The following RPS3 variants were observed in gnomAD, a reference collection of about 807,000 sequenced individuals.
RPS3 encodes the protein small ribosomal subunit protein uS3.
A neutral mutation model predicts 25.8 loss-of-function variants in RPS3; 2 were observed. The observed-to-expected ratio is 0.08, with a 90% confidence interval of 0.03 to 0.24. The LOEUF is 0.24. Among genes scored for constraint, RPS3 ranks in the 10% least tolerant of loss-of-function variants. The pLI is 1.00. For synonymous variants in RPS3, 114 were observed against 114.2 expected (o/e 1.00, Z 0.01); for missense variants, 107 against 307.1 (o/e 0.35, Z 4.87).
chr11:75,404,330 A>G lies in RPS3; in HGVS notation c.538+123A>G. On this transcript the variant is annotated intron_variant, in intron 5 of 6. Coordinates refer to ENST00000531188, the MANE Select transcript of RPS3 (RefSeq NM_001005.5). The surrounding 1 kb of genome is among the most constrained non-coding windows in gnomAD (Gnocchi z 4.6). ...TGGGCATGTTCATATTCCTTGGTGT[A>G]TCGATTGCCACGTTGATCTGTAAGA... 1 of 910,766 alleles carries G rather than the reference A, an allele frequency of 1.1e-6. No individual in the cohort carries two copies. The highest frequency in any genetic ancestry group is 1.8e-6 in the Non-Finnish European group (1 of 561,236). 56.4% of individuals were successfully genotyped at this position (910,766 alleles called of 1,614,324 possible). A position where few individuals can be genotyped will look rare whatever the true frequency, so the allele number is the denominator to read the frequency against.
At chr11:75,401,073 G>A (rs1280903877) in intron 2 of RPS3, among the ~76,000 whole-genome samples, 4 of 152,028 alleles carry the variant, frequency 2.6e-5, no homozygotes, top group African/African-American at 9.7e-5. Context: ...TAGTAGAGTT[G>A]GGGTTTCACC....
intron 4 of RPS3, chr11:75,403,496 AG>A (rs2135055009): frequency 6.5e-6 from 1 of 152,688 alleles, no homozygotes; most frequent in South Asian, 2.1e-4. Flanking sequence ...GTTGGGGGGT[AG>A]GTCATATTTT....
chr11:75,418,525 G>A (rs552081421), intron 6 of RPS3, among the ~76,000 whole-genome samples: 1 of 152,240 alleles, frequency 6.6e-6, no homozygotes, highest in South Asian at 2.1e-4. Flanking sequence ...TAAAGTACAG[G>A]ATGAAGTGAA....
chr11:75,414,558 C>G (rs1365072954), intron 6 of RPS3, among the ~76,000 whole-genome samples: 1 of 151,800 alleles, frequency 6.6e-6, no homozygotes, highest in African/African-American at 2.4e-5. Flanking sequence ...TTGCAGTGAG[C>G]TGAGATCGCG....
intron 3 of RPS3, 101 bp from the exon 4 acceptor site, chr11:75,402,251 C>T: frequency 6.4e-7 from 1 of 1,569,074 alleles, no homozygotes; most frequent in Non-Finnish European, 8.7e-7. Context: ...GTTGGGCAAG[C>T]TTGGTGTAGA....
chr11:75,415,631 C>T (rs537258773), intron 6 of RPS3, among the ~76,000 whole-genome samples: 15 of 152,120 alleles, frequency 9.9e-5, no homozygotes, highest in Non-Finnish European at 1.9e-4. Flanking sequence ...GATGGTGAAA[C>T]CCCATCTCTA....
At chr11:75,417,422 C>T (rs1417169308) in intron 6 of RPS3, among the ~76,000 whole-genome samples, 7 of 152,078 alleles carry the variant, frequency 4.6e-5, no homozygotes, top group Admixed American at 6.6e-5. Context: ...GGTAAAACCC[C>T]GTCTCTACTA....
Position 75,402,161 on chromosome 11 carries a change from T to C in RPS3, c.256-191T>C, listed in dbSNP as rs1948219469. 7.9e-6 allele frequency: 6 copies of C among 761,996 alleles called. No individual in the cohort carries two copies. In the Admixed American group the frequency reaches 1.0e-4, roughly 13 times the overall value. 47.2% of individuals were successfully genotyped at this position (761,996 alleles called of 1,614,324 possible). A position where few individuals can be genotyped will look rare whatever the true frequency, so the allele number is the denominator to read the frequency against. On this transcript the variant is annotated intron_variant, in intron 3 of 6. Coordinates refer to ENST00000531188, the MANE Select transcript of RPS3 (RefSeq NM_001005.5). ...GAAATGTCTTGGGCCACACTACTAC[T>C]GGTAGCGCAAAAAATCACGATGTTG...
intron 6 of RPS3, among the ~76,000 whole-genome samples, chr11:75,412,997 TCCTGG>T (rs1948369893): frequency 6.6e-6 from 1 of 152,192 alleles, no homozygotes; most frequent in Non-Finnish European, 1.5e-5. Flanking sequence ...GGTCTTGAAC[TCCTGG>T]CCTCAAGTGA....
chr11:75,403,838 G>C, intron 4 of RPS3, 182 bp from the exon 5 acceptor site: 1 of 576,056 alleles, frequency 1.7e-6, no homozygotes, highest in South Asian at 2.4e-5. Flanking sequence ...TGACATACTT[G>C]ATGAATATTA....
downstream of RPS3, among the ~76,000 whole-genome samples, chr11:75,410,455 G>A (rs1385548886): frequency 2.0e-5 from 3 of 149,422 alleles, no homozygotes; most frequent in Admixed American, 6.7e-5. Context: ...GGCGCTCCTC[G>A]CTTCCTAGAT....
intron 6 of RPS3, among the ~76,000 whole-genome samples, chr11:75,419,572 A>G (rs1162873906): frequency 1.3e-5 from 2 of 152,128 alleles, no homozygotes; most frequent in Non-Finnish European, 2.9e-5. Flanking sequence ...AAAAAAAGAA[A>G]GAAAAAAAGA....
rs1315427585 is a variant in RPS3 at position 75,406,416 on chromosome 11, GC to G, written c.*807del. The G allele has an allele frequency of 2.6e-5, 4 of 152,360 alleles. No individual in the cohort carries two copies. In the East Asian group the frequency reaches 7.7e-4, roughly 29 times the overall value. 9.4% of individuals were successfully genotyped at this position (152,360 alleles called of 1,614,324 possible). ...ATCACAGAGGGGACTTCCAGGGAAAGCTGTTATCAGGTGGCTGCTTCCTGGT... is the reference window on the plus strand; with the variant it reads ...ATCACAGAGGGGACTTCCAGGGAAAGTGTTATCAGGTGGCTGCTTCCTGGT... On this transcript the variant is annotated 3_prime_UTR_variant, in exon 7 of 7. Coordinates refer to ENST00000531188, the MANE Select transcript of RPS3 (RefSeq NM_001005.5).
intron 6 of RPS3, among the ~76,000 whole-genome samples, chr11:75,419,116 T>TTA (rs1363906495): frequency 6.6e-6 from 1 of 152,198 alleles, no homozygotes; most frequent in Non-Finnish European, 1.5e-5. Context: ...GCTCACTGGT[T>TTA]TACCCTCAGC....
intron 6 of RPS3, among the ~76,000 whole-genome samples, chr11:75,418,780 C>G (rs934371370): frequency 6.6e-6 from 1 of 152,192 alleles, no homozygotes; most frequent in Non-Finnish European, 1.5e-5. Context: ...CCTCTGCTGC[C>G]TGGTCCAGTG....
At position 75,405,034 on chromosome 11, in the gene RPS3, T is replaced by C. The variant is rs534316538; in HGVS notation, c.*3+166T>C. 5.9e-6 allele frequency: 3 copies of C among 504,950 alleles called. No homozygotes were observed. In the East Asian group the frequency reaches 9.3e-5, roughly 16 times the overall value. 31.3% of individuals were successfully genotyped at this position (504,950 alleles called of 1,614,324 possible). On this transcript the variant is annotated intron_variant, in intron 6 of 6. Transcript: ENST00000531188. Reference sequence around the variant, plus strand: ...TGAAACCTGGGGTCTATTTAACCCTTGGTTCCAATGGGACAGGTGTTGCCT... The same window carrying C: ...TGAAACCTGGGGTCTATTTAACCCTCGGTTCCAATGGGACAGGTGTTGCCT...
At position 75,417,477 on chromosome 11, in the gene RPS3, G is replaced by T. The variant is rs538921484; in HGVS notation, c.*4-4250G>T. On this transcript the variant is annotated intron_variant, in intron 6 of 6. Transcript: ENST00000527446. ...CCAGGCGTGGTGGCGGGCACCTGTAGTCCCAGCTACTCGGGAGGCTGAGGC... is the reference window on the plus strand; with the variant it reads ...CCAGGCGTGGTGGCGGGCACCTGTATTCCCAGCTACTCGGGAGGCTGAGGC... Among the ~76,000 whole-genome samples the T allele has an allele frequency of 3.9e-5, 6 of 152,286 alleles. No homozygotes were observed. In the East Asian group the frequency reaches 1.2e-3, roughly 29 times the overall value.
chr11:75,402,815 G>A (rs17884235), intron 4 of RPS3: 7,365 of 165,656 alleles, frequency 0.044, 229 homozygotes, highest in Middle Eastern at 0.087. Flanking sequence ...CCTGTTACTG[G>A]GTGTGTTACG....
intron 6 of RPS3, among the ~76,000 whole-genome samples, chr11:75,414,471 C>G (rs552525872): frequency 2.0e-5 from 3 of 152,004 alleles, no homozygotes; most frequent in African/African-American, 7.3e-5. Flanking sequence ...ATTAGCCAGG[C>G]GTGGTGGTGG....
Sources: allele counts gnomAD v4.1 joint callset (sites outside exome capture counted in the v4.1 genomes callset), GRCh38; gene constraint gnomAD v4.1.1; non-coding constraint Gnocchi (gnomAD v3.1); transcripts MANE v1.5; gene names NCBI Gene and HGNC (gene_info 2026-07-23, HGNC 2026-07-21).